CPNE6: variants seen among roughly 807,000 people sequenced by gnomAD.
CPNE6 encodes the protein copine 6, also known as copine-6.
In CPNE6, 33 loss-of-function variants were observed where a neutral mutation model predicts 71.5. That is an observed-to-expected ratio of 0.46 (90% CI 0.35 to 0.62). The LOEUF (loss-of-function observed/expected upper bound fraction) is 0.62, where lower values mean the gene tolerates loss of function less well. CPNE6 is among the 20% of genes least tolerant of loss of function. The pLI is 0.00. For synonymous variants in CPNE6, 296 were observed against 293.0 expected, an observed-to-expected ratio of 1.01 and a Z score of -0.10; for missense variants, 576 against 747.3, an observed-to-expected ratio of 0.77 and a Z score of 2.67.
rs184857794 is a variant in CPNE6, at chr14:24,071,206, C to T, written c.-120+178C>T. 360 of 985,978 alleles carry T rather than the reference C, an allele frequency of 3.7e-4. No individual in the cohort carries two copies. The East Asian group carries it at 6.8e-3, about 19-fold the overall frequency. 61.1% of individuals were successfully genotyped at this position (985,978 alleles called of 1,614,324 possible). A position where few individuals can be genotyped will look rare whatever the true frequency, so the allele number is the denominator to read the frequency against. ...GTGTCACAGTGAGTTTATGTACTGG[C>T]GCCTGTGTGTGTCAAGATATGTGTG... is the stretch of plus-strand genomic sequence containing the variant. On this transcript the variant is annotated intron_variant, in intron 1 of 17. Coordinates refer to ENST00000397016, the Ensembl canonical transcript of CPNE6.
chr14:24,074,845 T>C lies in CPNE6; in HGVS notation c.672+50T>C, dbSNP rs767038875. On this transcript the variant is annotated intron_variant, in intron 8 of 17. Transcript: ENST00000397016. This position sits in a 1 kb window ranked among gnomAD's most constrained non-coding sequence, Gnocchi z 4.5. ...AGCCTACTTAGAGCAACCAATCTGC[T>C]ATCTAAGACCTTTCCCCTGCATGTG... is the stretch of plus-strand genomic sequence containing the variant. 4 of 1,485,890 alleles carry C rather than the reference T, an allele frequency of 2.7e-6. No individual in the cohort carries two copies. The African/African-American group carries it at 5.6e-5, about 21-fold the overall frequency. The allele number at this position is 1,485,890 out of a possible 1,614,324, so 92.0% of individuals were successfully genotyped here. A position where few individuals can be genotyped will look rare whatever the true frequency, so the allele number is the denominator to read the frequency against.
At position 24,077,508 on chromosome 14, in the gene CPNE6, C is replaced by A. The variant is rs776764618; in HGVS notation, c.1537-85C>A. 3 of 1,581,566 alleles carry A rather than the reference C, an allele frequency of 1.9e-6. No homozygotes were observed. Among genetic ancestry groups the A allele is most frequent in the Non-Finnish European group, 8.7e-7 (1 of 1,153,694 alleles). ...AAGGACGCGGGAGCCCAGCTGGCCA[C>A]CCTGAAGCCCCACTTCTCCCTCAGA... is the stretch of plus-strand genomic sequence containing the variant. On this transcript the variant is annotated intron_variant, in intron 16 of 17. Coordinates refer to ENST00000397016, the Ensembl canonical transcript of CPNE6. This position sits in a 1 kb window ranked among gnomAD's most constrained non-coding sequence, Gnocchi z 6.1.
rs1187694122 is a variant in CPNE6 at position 24,077,486 on chromosome 14, G to A, written c.1536+96G>A. The A allele has an allele frequency of 5.7e-6, 9 of 1,571,914 alleles. No homozygotes were observed. The highest frequency in any genetic ancestry group is 7.9e-6 in the Non-Finnish European group (9 of 1,142,874). ...TTCCACCATTTGATGTCCTGCTAAG[G>A]ACGCGGGAGCCCAGCTGGCCACCCT... On this transcript the variant is annotated intron_variant, in intron 16 of 17. Transcript: ENST00000397016. The surrounding 1 kb of genome is among the most constrained non-coding windows in gnomAD (Gnocchi z 6.1).
chr14:24,071,789 C>T, intron 2 of CPNE6, 148 bp downstream of exon 1: 1 of 558,834 alleles, frequency 1.8e-6, no homozygotes, highest in South Asian at 2.3e-5. Context: ...CGGGGACCCC[C>T]AAGAACTGGG....
chr14:24,076,282 G>C, exon 12 of CPNE6: 1 of 1,614,252 alleles, frequency 6.2e-7, no homozygotes, highest in Non-Finnish European at 8.5e-7. Context: ...GACTATGACA[G>C]GTAGGAGAGA....
rs777764382 is a variant in CPNE6, at chr14:24,073,706, C to A, written c.348+28C>A. On this transcript the variant is annotated intron_variant, in intron 4 of 17. Transcript: ENST00000397016. The surrounding 1 kb of genome is among the most constrained non-coding windows in gnomAD (Gnocchi z 5.5). ...CTGCATTCCCGGCCTCCCCGGCTAC[C>A]CTACCCTACCTCCATCAGCTTTGCC... is the stretch of plus-strand genomic sequence containing the variant. 1.0e-5 allele frequency: 16 copies of A among 1,593,378 alleles called. No homozygotes were observed. The highest frequency in any genetic ancestry group is 1.4e-5 in the Non-Finnish European group (16 of 1,169,442).
rs1479744049 is a variant in CPNE6 at position 24,075,442 on chromosome 14, G to A, written c.778-63G>A. On this transcript the variant is annotated intron_variant, in intron 9 of 17. Coordinates refer to ENST00000397016, the Ensembl canonical transcript of CPNE6. This position sits in a 1 kb window ranked among gnomAD's most constrained non-coding sequence, Gnocchi z 4.3. ...GGGTCTTGCTCTGGGAGGCTCTGCTGGAAGGGAGAAAGAGGGGTCACCTGA... is the reference window on the plus strand; with the variant it reads ...GGGTCTTGCTCTGGGAGGCTCTGCTAGAAGGGAGAAAGAGGGGTCACCTGA... The A allele has an allele frequency of 7.2e-6, 11 of 1,525,904 alleles. No individual in the cohort carries two copies. The highest frequency in any genetic ancestry group is 9.0e-6 in the Non-Finnish European group (10 of 1,108,878). The allele number at this position is 1,525,904 out of a possible 1,614,324, so 94.5% of individuals were successfully genotyped here.
chr14:24,077,260 T>C lies in CPNE6; in HGVS notation c.1406T>C (p.Val469Ala), dbSNP rs2138855734. The C allele has an allele frequency of 6.2e-7, 1 of 1,613,718 alleles. No homozygotes were observed. Among genetic ancestry groups the C allele is most frequent in the Non-Finnish European group, 8.5e-7 (1 of 1,180,026 alleles). The change falls in exon 16 of 18, where the codon GTA (valine) becomes GCA (alanine). Residue 469 changes from valine (V) to alanine (A), a missense_variant. Coordinates refer to ENST00000397016, the Ensembl canonical transcript of CPNE6. This position sits in a 1 kb window ranked among gnomAD's most constrained non-coding sequence, Gnocchi z 6.1. ...CGCCTGCCCATGTCCATCATCATCG[T>C]AGGCGTGGGCAATGCTGACTTCTCT...
rs1594230773 is a variant in CPNE6 at position 24,075,292 on chromosome 14, C to A, written c.777+16C>A. 1.3e-6 allele frequency: 2 copies of A among 1,598,894 alleles called. No individual in the cohort carries two copies. Among genetic ancestry groups the A allele is most frequent in the Non-Finnish European group, 1.7e-6 (2 of 1,166,174 alleles). ...TGGGCAGGAGGTGCCACAAATACCC[C>A]ACCCCCAGAATCCCACCCAGATCCC... On this transcript the variant is annotated intron_variant, in intron 9 of 17. Transcript: ENST00000397016. The surrounding 1 kb of genome is among the most constrained non-coding windows in gnomAD (Gnocchi z 4.3).
Position 24,075,464 on chromosome 14 carries a change from C to T in CPNE6, c.778-41C>T, listed in dbSNP as rs1369843519. ...GCTGGAAGGGAGAAAGAGGGGTCAC[C>T]TGATGGACTTGTGACCCTGAGCTTG... On this transcript the variant is annotated intron_variant, in intron 9 of 17. Coordinates refer to ENST00000397016, the Ensembl canonical transcript of CPNE6. This position sits in a 1 kb window ranked among gnomAD's most constrained non-coding sequence, Gnocchi z 4.3. 4 of 1,564,790 alleles carry T rather than the reference C, an allele frequency of 2.6e-6. No individual in the cohort carries two copies. The highest frequency in any genetic ancestry group is 1.1e-5 in the South Asian group (1 of 88,530).
At chr14:24,071,845 C>A (rs939248031) in intron 2 of CPNE6, 2 of 545,514 alleles carry the variant, frequency 3.7e-6, no homozygotes, top group Non-Finnish European at 6.5e-6. Flanking sequence ...CAGCCCAGAC[C>A]CTCCCTCACA....
At chr14:24,076,816 A>C in intron 14 of CPNE6, 63 bp from the exon 14 acceptor site, 1 of 1,605,150 alleles carries the variant, frequency 6.2e-7, no homozygotes, top group East Asian at 2.2e-5. Flanking sequence ...TCCTTGCTTT[A>C]AGGAGTGTCA....
Position 24,077,316 on chromosome 14 carries a change from C to A in CPNE6, c.1462C>A (p.Pro488Thr). 6.2e-7 allele frequency: 1 copy of A among 1,613,902 alleles called. No homozygotes were observed. The highest frequency in any genetic ancestry group is 8.5e-7 in the Non-Finnish European group (1 of 1,180,008). The stretch of plus-strand genomic sequence containing the variant: ...GCGGCTGCTGGATGGCGACGACGGC[C>A]CCTTGCGCTGCCCCCGAGGGGTGCC... The change falls in exon 16 of 18, where the codon CCC (proline) becomes ACC (threonine). Residue 488 changes from proline to threonine, a missense_variant. This residue lies in a region of CPNE6 where 264 missense variants were observed against 339.9 expected (regional missense o/e 0.78). Coordinates refer to ENST00000397016, the Ensembl canonical transcript of CPNE6. The surrounding 1 kb of genome is among the most constrained non-coding windows in gnomAD (Gnocchi z 6.1).
Position 24,077,175 on chromosome 14 carries a change from C to T in CPNE6, c.1321C>T (p.Leu441Phe). The T allele has an allele frequency of 6.2e-7, 1 of 1,606,248 alleles. No individual in the cohort carries two copies. The highest frequency in any genetic ancestry group is 1.3e-5 in the African/African-American group (1 of 75,048). Residue 441 changes from leucine to phenylalanine, a missense_variant, in exon 16 of 18, where the codon CTC becomes TTC. Physicochemically the swap from Leu to Phe is conservative, Grantham distance 22. Coordinates refer to ENST00000397016, the Ensembl canonical transcript of CPNE6. This position sits in a 1 kb window ranked among gnomAD's most constrained non-coding sequence, Gnocchi z 6.1. ...TCAGAAGTACTCGGTGCTGCTGGTG[C>T]TCACTGACGGTGTGGTGAGCGACAT...
In CPNE6 at chr14:24,077,289, A is replaced by G; in HGVS notation, c.1435A>G (p.Met479Val). 6.2e-7 allele frequency: 1 copy of G among 1,613,842 alleles called. No individual in the cohort carries two copies. Among genetic ancestry groups the G allele is most frequent in the South Asian group, 1.1e-5 (1 of 91,082 alleles). ...CGTGGGCAATGCTGACTTCTCTGAC[A>G]TGCGGCTGCTGGATGGCGACGACGG... Residue 479 changes from methionine to valine, a missense_variant, in exon 16 of 18, where the codon ATG (methionine) becomes GTG (valine). Around this residue, in one of 4 missense-constraint regions of CPNE6, gnomAD observed 264 missense variants for 339.9 expected, o/e 0.78. Coordinates refer to ENST00000397016, the Ensembl canonical transcript of CPNE6. The surrounding 1 kb of genome is among the most constrained non-coding windows in gnomAD (Gnocchi z 6.1).
Position 24,077,855 on chromosome 14 carries a change from GAGAGTGCTTATGA to G in CPNE6, c.*38-32_*38-20del. ...CAACTAGGCTGGGTGTAGTGTAGAA[GAGAGTGCTTATGA>G]CTCTCCCACCCCCTCCCAGGTGCCT... On this transcript the variant is annotated intron_variant, in intron 17 of 17. Transcript: ENST00000397016. The surrounding 1 kb of genome is among the most constrained non-coding windows in gnomAD (Gnocchi z 6.1). 1 of 1,128,740 alleles carries G rather than the reference GAGAGTGCTTATGA, an allele frequency of 8.9e-7. No homozygotes were observed. The highest frequency in any genetic ancestry group is 2.1e-5 in the South Asian group (1 of 48,234). 69.9% of individuals were successfully genotyped at this position (1,128,740 alleles called of 1,614,324 possible).
At chr14:24,072,856 G>T in intron 2 of CPNE6, 77 bp from the exon 2 acceptor site, 1 of 1,314,484 alleles carries the variant, frequency 7.6e-7, no homozygotes, top group Non-Finnish European at 9.8e-7. Context: ...GTGGGGCCCA[G>T]GGACCCTAGA....
chr14:24,071,436 G>C (rs2035893387), intron 1 of CPNE6, 126 bp from the exon 1 acceptor site: 3 of 1,487,674 alleles, frequency 2.0e-6, no homozygotes, highest in Non-Finnish European at 8.9e-7. Flanking sequence ...TCCCTCCCAG[G>C]CTGTGGCCCT....
Position 24,075,688 on chromosome 14 carries a change from G to A in CPNE6, c.864+97G>A, listed in dbSNP as rs1453020726. On this transcript the variant is annotated intron_variant, in intron 10 of 17. Coordinates refer to ENST00000397016, the Ensembl canonical transcript of CPNE6. The surrounding 1 kb of genome is among the most constrained non-coding windows in gnomAD (Gnocchi z 4.3). ...CCTTGTTTCAAAGACCAGTTTCTCT[G>A]CTTCTGGGAACTGGAAACCACCCCC... is the stretch of plus-strand genomic sequence containing the variant. The A allele has an allele frequency of 2.9e-6, 4 of 1,377,508 alleles. No individual in the cohort carries two copies. The highest frequency in any genetic ancestry group is 4.1e-6 in the Non-Finnish European group (4 of 985,360). 85.3% of individuals were successfully genotyped at this position (1,377,508 alleles called of 1,614,324 possible).
Sources: allele counts gnomAD v4.1 joint callset, GRCh38; gene constraint gnomAD v4.1.1; regional missense constraint gnomAD v4.1.1; non-coding constraint Gnocchi (gnomAD v3.1); transcripts MANE v1.5; gene names NCBI Gene and HGNC (gene_info 2026-07-23, HGNC 2026-07-21).